Variants in CADM2 observed in about 807,000 individuals in gnomAD.
CADM2 encodes cell adhesion molecule 2, also known as immunoglobulin superfamily member 4D.
In CADM2, 12 loss-of-function variants were observed where a neutral mutation model predicts 49.8. The ratio of observed to expected loss-of-function variants is 0.24; its 90% confidence interval spans 0.15 to 0.39. The LOEUF is 0.39. Among genes scored for constraint, CADM2 ranks in the 10% least tolerant of loss-of-function variants. The pLI, the probability that CADM2 is intolerant of heterozygous loss-of-function variation, is 1.00. For missense variants in CADM2, 378 were observed against 492.3 expected, an observed-to-expected ratio of 0.77 and a Z score of 2.20; for synonymous variants, 214 against 175.4, an observed-to-expected ratio of 1.22 and a Z score of -1.74.
chr3:85,103,161 G>T (rs73843293), intron 1 of CADM2, among the ~76,000 whole-genome samples: 447 of 152,224 alleles, frequency 2.9e-3, no homozygotes, highest in African/African-American at 9.4e-3. Flanking sequence ...TTAATTATCT[G>T]CAGACTAGGA....
At chr3:85,973,372 C>T (rs979115272) in intron 8 of CADM2, among the ~76,000 whole-genome samples, 3 of 151,694 alleles carry the variant, frequency 2.0e-5, no homozygotes, top group African/African-American at 7.3e-5. Context: ...AGCAAGACCC[C>T]ATCTTTTAAA....
chr3:85,857,470 T>C (rs2108311191), intron 3 of CADM2, among the ~76,000 whole-genome samples: 1 of 152,164 alleles, frequency 6.6e-6, no homozygotes, highest in Middle Eastern at 3.4e-3. Context: ...CTTTTTATCC[T>C]CTTTGTGTAT....
chr3:85,014,024 C>T (rs2034131054), intron 1 of CADM2, among the ~76,000 whole-genome samples: 1 of 138,658 alleles, frequency 7.2e-6, no homozygotes. Flanking sequence ...TATATATACG[C>T]AGTGTAATAA....
chr3:85,104,064 T>A (rs1290441594), intron 1 of CADM2, among the ~76,000 whole-genome samples: 4 of 152,132 alleles, frequency 2.6e-5, no homozygotes, highest in African/African-American at 9.7e-5. Context: ...AGATCCCATT[T>A]GTCAATTTTG....
chr3:85,616,967 G>A (rs978865532), intron 1 of CADM2, among the ~76,000 whole-genome samples: 27 of 152,242 alleles, frequency 1.8e-4, no homozygotes, highest in South Asian at 1.0e-3. Context: ...AAAGAAAAGC[G>A]TGTGTGGTGA....
chr3:85,892,461 G>T (rs538985056), intron 5 of CADM2, among the ~76,000 whole-genome samples: 83 of 152,214 alleles, frequency 5.5e-4, no homozygotes, highest in African/African-American at 1.9e-3. Context: ...GGAAGGACTT[G>T]GTGGGAGGTA....
chr3:85,461,265 A>G, intron 1 of CADM2, among the ~76,000 whole-genome samples: 1 of 152,096 alleles, frequency 6.6e-6, no homozygotes, highest in Admixed American at 6.6e-5. Context: ...ATGTAATATT[A>G]TACTTCACTG....
At chr3:85,127,560 C>A (rs979109002) in intron 1 of CADM2, among the ~76,000 whole-genome samples, 12 of 152,080 alleles carry the variant, frequency 7.9e-5, no homozygotes, top group Admixed American at 2.0e-4. Context: ...TCGTGAATTC[C>A]CTATGAATTT....
At chr3:85,940,674 A>T (rs1225864493) in intron 7 of CADM2, among the ~76,000 whole-genome samples, 1 of 152,070 alleles carries the variant, frequency 6.6e-6, no homozygotes, top group Non-Finnish European at 1.5e-5. Context: ...TCTGTATGTT[A>T]TTTTCAAATA....
chr3:85,899,302 T>C (rs1441488550), intron 5 of CADM2, among the ~76,000 whole-genome samples: 1 of 152,046 alleles, frequency 6.6e-6, no homozygotes, highest in South Asian at 2.1e-4. Flanking sequence ...GAATCATGCT[T>C]TAGTTTTGTA....
At chr3:85,205,595 A>G (rs1048438796) in intron 1 of CADM2, among the ~76,000 whole-genome samples, 1 of 152,150 alleles carries the variant, frequency 6.6e-6, no homozygotes, top group Non-Finnish European at 1.5e-5. Flanking sequence ...AATTCAAATT[A>G]TGTTTAAAAA....
chr3:85,414,938 T>A (rs140018945), intron 1 of CADM2, among the ~76,000 whole-genome samples: 6 of 152,240 alleles, frequency 3.9e-5, no homozygotes, highest in South Asian at 2.1e-4. Context: ...GCCTGAAAAA[T>A]TATGGTAAAT....
chr3:85,150,072 G>C lies in CADM2; in HGVS notation c.61+190404G>C, dbSNP rs1046747539. Among the ~76,000 whole-genome samples the C allele has an allele frequency of 9.2e-5, 14 of 152,302 alleles. No individual in the cohort carries two copies. The Middle Eastern group carries it at 0.01, about 111-fold the overall frequency. ...AATTTCTCACTTCAGTTGAAAATCA[G>C]TTCTTCTACCCTTTTGTCATAATCC... On this transcript the variant is annotated intron_variant, in intron 1 of 9. Coordinates refer to ENST00000383699, the MANE Select transcript of CADM2 (RefSeq NM_001167675.2).
chr3:85,045,093 CAT>C (rs967272859), intron 1 of CADM2, among the ~76,000 whole-genome samples: 16 of 152,150 alleles, frequency 1.1e-4, no homozygotes, highest in Admixed American at 7.9e-4. Flanking sequence ...CTTTATCACA[CAT>C]GTGATGTTGT....
intron 1 of CADM2, among the ~76,000 whole-genome samples, chr3:85,628,800 C>T (rs56354017): frequency 2.0e-5 from 3 of 150,770 alleles, no homozygotes; most frequent in Non-Finnish European, 4.4e-5. Context: ...ATGGGAATAT[C>T]TTAAATGAAT....
chr3:85,149,078 ACAT>A (rs1166622678), intron 1 of CADM2, among the ~76,000 whole-genome samples: 1 of 151,918 alleles, frequency 6.6e-6, no homozygotes, highest in Non-Finnish European at 1.5e-5. Context: ...ATATAGTCAA[ACAT>A]CATTTTTATG....
chr3:85,282,123 T>C (rs1209348536), intron 1 of CADM2, among the ~76,000 whole-genome samples: 1 of 151,900 alleles, frequency 6.6e-6, no homozygotes, highest in Admixed American at 6.6e-5. Flanking sequence ...ATTTAACTTA[T>C]TTAGAATAAA....
chr3:85,652,446 A>G (rs937146129), intron 1 of CADM2, among the ~76,000 whole-genome samples: 1 of 152,214 alleles, frequency 6.6e-6, no homozygotes, highest in Admixed American at 6.5e-5. Context: ...AGACAAAGCT[A>G]AAGTTAAGGA....
intron 1 of CADM2, among the ~76,000 whole-genome samples, chr3:85,590,467 A>G (rs1469126362): frequency 6.6e-6 from 1 of 151,996 alleles, no homozygotes; most frequent in Admixed American, 6.6e-5. Context: ...AGAAAAATAC[A>G]CATGTGGCAT....
Sources: gnomAD v4.1 joint callset for allele counts (sites outside exome capture counted in the v4.1 genomes callset) on GRCh38, gnomAD v4.1.1 for gene constraint, MANE v1.5 for transcripts, NCBI Gene and HGNC (gene_info 2026-07-23, HGNC 2026-07-21) for gene names.